The following TMEM41B variants were observed in gnomAD, a reference collection of about 807,000 sequenced individuals.
The protein encoded by TMEM41B is transmembrane protein 41B.
A neutral mutation model predicts 31.9 loss-of-function variants in TMEM41B; 18 were observed. The ratio of observed to expected loss-of-function variants is 0.56; its 90% CI spans 0.39 to 0.84. The LOEUF is 0.84. Ranked by LOEUF, TMEM41B falls within the 40% of genes least tolerant of loss-of-function variation. TMEM41B has a pLI of 0.00. For synonymous variants in TMEM41B, 144 were observed against 124.3 expected, an observed-to-expected ratio of 1.16 and a Z score of -1.05; for missense variants, 322 against 348.0, an observed-to-expected ratio of 0.93 and a Z score of 0.59.
intron 1 of TMEM41B, among the ~76,000 whole-genome samples, chr11:9,306,843 CCTTT>C (rs1159120340): frequency 3.9e-5 from 6 of 152,204 alleles, no homozygotes; most frequent in Non-Finnish European, 1.5e-5. Flanking sequence ...ATTTTACCTT[CCTTT>C]AACTGCAACC....
At position 9,280,833 on chromosome 11, in the gene TMEM41B, T is replaced by C. The variant is rs1011022942; in HGVS notation, c.*2591A>G. On this transcript the variant is annotated 3_prime_UTR_variant, in exon 7 of 7. Coordinates refer to ENST00000528080, the MANE Select transcript of TMEM41B (RefSeq NM_015012.4). ...AGCCTGCTTGCCTCCGCACCACAGA[T>C]GCTTGTCTTCTTGTGGTTGTTACCA... The C allele has an allele frequency of 1.3e-5, 2 of 152,224 alleles. No individual in the cohort carries two copies. Among genetic ancestry groups the C allele is most frequent in the Non-Finnish European group, 2.9e-5 (2 of 68,038 alleles). The allele number at this position is 152,224 out of a possible 1,614,324, so 9.4% of individuals were successfully genotyped here. A position where few individuals can be genotyped will look rare whatever the true frequency, so the allele number is the denominator to read the frequency against.
chr11:9,285,417 T>C (rs904316818), intron 6 of TMEM41B, among the ~76,000 whole-genome samples: 8 of 152,118 alleles, frequency 5.3e-5, no homozygotes, highest in African/African-American at 1.9e-4. Context: ...ATAATTGATT[T>C]TGGTTATTCT....
intron 1 of TMEM41B, among the ~76,000 whole-genome samples, chr11:9,302,025 G>A (rs920380984): frequency 1.7e-5 from 1 of 59,406 alleles, no homozygotes; most frequent in Non-Finnish European, 3.3e-5. Flanking sequence ...TTTTTTTTTT[G>A]AGACGGAGTC....
At chr11:9,294,799 A>G (rs542659287) in intron 3 of TMEM41B, among the ~76,000 whole-genome samples, 2 of 152,162 alleles carry the variant, frequency 1.3e-5, no homozygotes, top group Non-Finnish European at 2.9e-5. Context: ...AAAAGAAACA[A>G]TGCAAGAAAA....
At chr11:9,297,296 T>C (rs1221712293) in intron 2 of TMEM41B, among the ~76,000 whole-genome samples, 1 of 152,146 alleles carries the variant, frequency 6.6e-6, no homozygotes, top group Non-Finnish European at 1.5e-5. Context: ...CGTTAGCCAG[T>C]CTGGTCTCAA....
At chr11:9,290,574 G>C (rs951625635) in intron 3 of TMEM41B, among the ~76,000 whole-genome samples, 1 of 151,352 alleles carries the variant, frequency 6.6e-6, no homozygotes, top group Non-Finnish European at 1.5e-5. Context: ...AGAAAGAAAA[G>C]AAAGCAAGAC....
Position 9,314,360 on chromosome 11 carries a change from G to T in TMEM41B, c.82C>A (p.Arg28=). The T allele has an allele frequency of 6.3e-7, 1 of 1,589,766 alleles. No individual in the cohort carries two copies. Among genetic ancestry groups the T allele is most frequent in the Non-Finnish European group, 8.5e-7 (1 of 1,169,830 alleles). Residue 28 remains arginine (R), a synonymous_variant, in exon 1 of 7, where the codon CGG becomes AGG. Transcript: ENST00000528080. ...CTGCTGCCAGGCGCCGCGAGACCCC[G>T]CGTCCCCGCTGCCCCGTCCCCCACG... ...TPVGDGAAGT[R]GLAAPGSRDH...
At chr11:9,311,326 T>C in intron 1 of TMEM41B, 2 of 1,519,396 alleles carry the variant, frequency 1.3e-6, no homozygotes, top group Non-Finnish European at 1.8e-6. Flanking sequence ...TTGCTATGCT[T>C]GTGCATCTTT....
At chr11:9,295,877 G>T (rs541696418) in intron 2 of TMEM41B, among the ~76,000 whole-genome samples, 1 of 145,056 alleles carries the variant, frequency 6.9e-6, no homozygotes, top group Non-Finnish European at 1.5e-5. Flanking sequence ...TATTTTTTTT[G>T]ACACAGTCTC....
chr11:9,301,912 A>C (rs1471318417), intron 1 of TMEM41B, among the ~76,000 whole-genome samples: 1 of 152,050 alleles, frequency 6.6e-6, no homozygotes, highest in Non-Finnish European at 1.5e-5. Flanking sequence ...TAGCTAAGCT[A>C]CTTGCTGATT....
chr11:9,297,384 C>T (rs975379825), intron 2 of TMEM41B, among the ~76,000 whole-genome samples: 1 of 152,160 alleles, frequency 6.6e-6, no homozygotes, highest in African/African-American at 2.4e-5. Context: ...CGCGCCAGGC[C>T]GCTCTGCTAA....
At chr11:9,289,085 C>A (rs930651279) in intron 3 of TMEM41B, among the ~76,000 whole-genome samples, 2 of 152,166 alleles carry the variant, frequency 1.3e-5, no homozygotes, top group Non-Finnish European at 2.9e-5. Flanking sequence ...CTCACTGCAG[C>A]CTCAAATGCC....
chr11:9,291,125 A>G (rs1288952749), intron 3 of TMEM41B, among the ~76,000 whole-genome samples: 2 of 152,008 alleles, frequency 1.3e-5, no homozygotes, highest in Non-Finnish European at 2.9e-5. Context: ...CAAAAAAAAT[A>G]AAAATAAAAA....
rs1167318385 is a variant in TMEM41B, at chr11:9,281,832, AT to A, written c.*1591del. 6.6e-6 allele frequency: 1 copy of A among 152,180 alleles called. No individual in the cohort carries two copies. The highest frequency in any genetic ancestry group is 1.5e-5 in the Non-Finnish European group (1 of 68,014). 9.4% of individuals were successfully genotyped at this position (152,180 alleles called of 1,614,324 possible). On this transcript the variant is annotated 3_prime_UTR_variant, in exon 7 of 7. Coordinates refer to ENST00000528080, the MANE Select transcript of TMEM41B (RefSeq NM_015012.4). ...AAAGCCATCAATAGAAACAAAAGGC[AT>A]TTTTCTAGGTGTATCATGCATAAAA...
chr11:9,295,918 G>A (rs1010811229), intron 2 of TMEM41B, among the ~76,000 whole-genome samples: 1 of 151,744 alleles, frequency 6.6e-6, no homozygotes. Context: ...GTGCATTGGC[G>A]CGATCTCGGC....
chr11:9,309,686 G>T lies in TMEM41B; in HGVS notation c.121+4635C>A, dbSNP rs555174824. Among the ~76,000 whole-genome samples the T allele has an allele frequency of 1.1e-4, 17 of 151,778 alleles. No individual in the cohort carries two copies. In the East Asian group the frequency reaches 3.2e-3, roughly 29 times the overall value. Reference sequence around the variant, plus strand: ...ACCTGTAATCCCAGCACTTTGGGAGGCTGAGGCAGGCAGATCACAAGGTCA... The same window carrying T: ...ACCTGTAATCCCAGCACTTTGGGAGTCTGAGGCAGGCAGATCACAAGGTCA... On this transcript the variant is annotated intron_variant, in intron 1 of 6. Transcript: ENST00000528080.
chr11:9,303,911 G>A lies in TMEM41B; in HGVS notation c.122-4210C>T, dbSNP rs1028908486. Among the ~76,000 whole-genome samples, 16 of 152,144 alleles carry A rather than the reference G, an allele frequency of 1.1e-4. No homozygotes were observed. In the South Asian group the frequency reaches 1.5e-3, roughly 14 times the overall value. ...TCGAACTCCTGACGTCAGGTGATCCGCCCACTTTGGCCTCCCAAAGTGTTA... is the reference window on the plus strand; with the variant it reads ...TCGAACTCCTGACGTCAGGTGATCCACCCACTTTGGCCTCCCAAAGTGTTA... On this transcript the variant is annotated intron_variant, in intron 1 of 6. Coordinates refer to ENST00000528080, the MANE Select transcript of TMEM41B (RefSeq NM_015012.4).
At chr11:9,311,906 C>G (rs560716540) in intron 1 of TMEM41B, among the ~76,000 whole-genome samples, 1 of 152,292 alleles carries the variant, frequency 6.6e-6, no homozygotes, top group Admixed American at 6.5e-5. Flanking sequence ...AAGGAATCCA[C>G]TAAATGTACC....
Position 9,283,378 on chromosome 11 carries a change from T to G in TMEM41B, c.*46A>C. 1 of 1,475,706 alleles carries G rather than the reference T, an allele frequency of 6.8e-7. No homozygotes were observed. Among genetic ancestry groups the G allele is most frequent in the Non-Finnish European group, 9.3e-7 (1 of 1,078,076 alleles). 91.4% of individuals were successfully genotyped at this position (1,475,706 alleles called of 1,614,324 possible). On this transcript the variant is annotated 3_prime_UTR_variant, in exon 7 of 7. Coordinates refer to ENST00000528080, the MANE Select transcript of TMEM41B (RefSeq NM_015012.4). Reference sequence around the variant, plus strand: ...AAACATAAATGGATGCACCTGTTAATCCTGAGATGGTGATGACAGCAAAAC... The same window carrying G: ...AAACATAAATGGATGCACCTGTTAAGCCTGAGATGGTGATGACAGCAAAAC...
Sources: allele counts gnomAD v4.1 joint callset (sites outside exome capture counted in the v4.1 genomes callset), GRCh38; gene constraint gnomAD v4.1.1; transcripts MANE v1.5; gene names NCBI Gene and HGNC (gene_info 2026-07-23, HGNC 2026-07-21).